Variants in CUL3 observed in about 807,000 individuals in gnomAD.
CUL3 encodes the protein cullin-3.
Under a neutral mutation model 89.1 loss-of-function variants are expected in CUL3, and 19 were observed. That is an observed-to-expected ratio of 0.21 (90% confidence interval 0.15 to 0.31). CUL3 has a LOEUF of 0.31. Ranked by LOEUF, CUL3 falls within the 10% of genes least tolerant of loss-of-function variation. The probability of loss-of-function intolerance (pLI) is 1.00; values close to 1 mark genes in which losing one functional copy is unlikely to be tolerated. For missense variants in CUL3, 469 were observed against 942.3 expected (o/e 0.50, Z 6.58); for synonymous variants, 351 against 308.4 (o/e 1.14, Z -1.45).
intron 13 of CUL3, among the ~76,000 whole-genome samples, chr2:224,494,429 GAGAAAA>G (rs1692090825): frequency 1.3e-5 from 2 of 151,760 alleles, no homozygotes; most frequent in South Asian, 4.1e-4. Flanking sequence ...TTTTAATTGG[GAGAAAA>G]GGAAAAGGAA....
intron 5 of CUL3, 83 bp downstream of exon 5, chr2:224,513,441 G>A: frequency 3.0e-6 from 3 of 990,618 alleles, no homozygotes; most frequent in South Asian, 3.2e-5. Flanking sequence ...GTTAAAAAAG[G>A]TCAAAATAGT....
At chr2:224,480,611 T>C (rs1691504193) in intron 14 of CUL3, among the ~76,000 whole-genome samples, 1 of 152,188 alleles carries the variant, frequency 6.6e-6, no homozygotes, top group East Asian at 1.9e-4. Flanking sequence ...ATATCTGATA[T>C]TATTATTGCT....
intron 6 of CUL3, among the ~76,000 whole-genome samples, chr2:224,508,172 G>A (rs1437763171): frequency 2.0e-5 from 3 of 150,354 alleles, no homozygotes; most frequent in Non-Finnish European, 4.4e-5. Flanking sequence ...GCCTACCTTG[G>A]TCTACAGTTC....
intron 1 of CUL3, among the ~76,000 whole-genome samples, chr2:224,584,050 C>T (rs970809666): frequency 6.6e-6 from 1 of 152,172 alleles, no homozygotes; most frequent in Non-Finnish European, 1.5e-5. Flanking sequence ...TAATTGCTTG[C>T]CACGGGGAAG....
chr2:224,506,808 T>C (rs1262628737), intron 7 of CUL3, 50 bp downstream of exon 7: 6 of 1,587,626 alleles, frequency 3.8e-6, no homozygotes, highest in East Asian at 2.2e-5. Flanking sequence ...TTTTAGCACT[T>C]GTCAAAATGC....
chr2:224,533,768 G>A (rs1009141006), intron 3 of CUL3, among the ~76,000 whole-genome samples: 2 of 152,040 alleles, frequency 1.3e-5, no homozygotes, highest in Non-Finnish European at 2.9e-5. Context: ...ATTTATAACC[G>A]GATGAGAAAA....
intron 1 of CUL3, among the ~76,000 whole-genome samples, chr2:224,562,010 ATCT>A (rs1424371852): frequency 2.6e-5 from 4 of 152,244 alleles, no homozygotes; most frequent in Non-Finnish European, 5.9e-5. Flanking sequence ...ACATCAAATC[ATCT>A]TTACAGGCTC....
chr2:224,529,124 G>T (rs1054844841), intron 3 of CUL3, among the ~76,000 whole-genome samples: 3 of 151,934 alleles, frequency 2.0e-5, no homozygotes, highest in Non-Finnish European at 2.9e-5. Context: ...GCTTGAAAGA[G>T]AAAAATGAAC....
intron 2 of CUL3, 60 bp downstream of exon 2, chr2:224,557,599 G>A (rs2106303679): frequency 8.5e-7 from 1 of 1,181,346 alleles, no homozygotes; most frequent in South Asian, 1.4e-5. Context: ...AGTGCAATAT[G>A]GTATAAAGGA....
At chr2:224,490,710 GA>G (rs5839067) in intron 13 of CUL3, among the ~76,000 whole-genome samples, 71,551 of 142,706 alleles carry the variant, frequency 0.5, 17,441 homozygotes, top group Non-Finnish European at 0.55. Flanking sequence ...GAGCTTTAAA[GA>G]AAAAAAAAAA....
intron 3 of CUL3, among the ~76,000 whole-genome samples, chr2:224,518,662 C>T (rs760931762): frequency 6.6e-6 from 1 of 152,100 alleles, no homozygotes; most frequent in Non-Finnish European, 1.5e-5. Context: ...GACCTTAAGT[C>T]ACTTATTCAT....
intron 13 of CUL3, among the ~76,000 whole-genome samples, chr2:224,490,462 C>T (rs569365635): frequency 6.6e-6 from 1 of 152,056 alleles, no homozygotes; most frequent in Admixed American, 6.6e-5. Context: ...AATAACAGCG[C>T]AGCCAGGCAT....
At chr2:224,530,765 GGT>G (rs1693669457) in intron 3 of CUL3, among the ~76,000 whole-genome samples, 1 of 152,064 alleles carries the variant, frequency 6.6e-6, no homozygotes, top group South Asian at 2.1e-4. Flanking sequence ...AAATTAGCCA[GGT>G]GTGGTGGCAT....
chr2:224,497,286 G>A (rs113590185), intron 12 of CUL3, among the ~76,000 whole-genome samples: 101 of 152,004 alleles, frequency 6.6e-4, no homozygotes, highest in African/African-American at 2.4e-3. Context: ...AAAAATGAAG[G>A]CAAATCACTG....
chr2:224,523,176 C>G (rs959649683), intron 3 of CUL3, among the ~76,000 whole-genome samples: 1 of 152,090 alleles, frequency 6.6e-6, no homozygotes, highest in Non-Finnish European at 1.5e-5. Flanking sequence ...ACCAAATAGC[C>G]TCTGTTTCAG....
At chr2:224,543,515 A>G (rs986437735) in intron 2 of CUL3, among the ~76,000 whole-genome samples, 1 of 152,168 alleles carries the variant, frequency 6.6e-6, no homozygotes, top group African/African-American at 2.4e-5. Context: ...AATATCACTT[A>G]TCCAAAACAC....
chr2:224,498,300 T>C (rs1041549042), intron 11 of CUL3, among the ~76,000 whole-genome samples: 1 of 152,222 alleles, frequency 6.6e-6, no homozygotes, highest in South Asian at 2.1e-4. Flanking sequence ...TTCTTACATA[T>C]TAAAATTATA....
intron 1 of CUL3, among the ~76,000 whole-genome samples, chr2:224,570,913 T>A (rs1187389591): frequency 1.3e-5 from 2 of 152,210 alleles, no homozygotes; most frequent in African/African-American, 4.8e-5. Flanking sequence ...AGCTTCCAGA[T>A]TAGCCTATTT....
chr2:224,538,250 A>G (rs1414055403), intron 2 of CUL3, among the ~76,000 whole-genome samples: 1 of 152,198 alleles, frequency 6.6e-6, no homozygotes, highest in Non-Finnish European at 1.5e-5. Context: ...TGAACAAAAA[A>G]TTTTTCCTCC....
Sources: allele counts gnomAD v4.1 joint callset (sites outside exome capture counted in the v4.1 genomes callset), GRCh38; gene constraint gnomAD v4.1.1; transcripts MANE v1.5; gene names NCBI Gene and HGNC (gene_info 2026-07-23, HGNC 2026-07-21).